Variants in DOCK8 observed in about 807,000 individuals in gnomAD.
The protein encoded by DOCK8 is dedicator of cytokinesis protein 8.
In DOCK8, 141 loss-of-function variants were observed where a neutral mutation model predicts 245.6. The observed-to-expected ratio is 0.57, with a 90% CI of 0.50 to 0.66. The LOEUF is 0.66. Ranked by LOEUF, DOCK8 falls within the 30% of genes least tolerant of loss-of-function variation. DOCK8 has a pLI of 0.00. For missense variants in DOCK8, 2,965 were observed against 2,603.4 expected (o/e 1.14, Z -3.02); for synonymous variants, 1,168 against 970.2 (o/e 1.20, Z -3.79).
At chr9:283,187 T>C (rs186369250) in intron 2 of DOCK8, among the ~76,000 whole-genome samples, 116 of 152,314 alleles carry the variant, frequency 7.6e-4, no homozygotes, top group African/African-American at 2.8e-3. Context: ...CCTAGCTGTG[T>C]AATCATGGGA....
Position 317,052 on chromosome 9 carries a change from G to A in DOCK8, c.751G>A (p.Val251Met). ...LYPSVDEEDA[V>M]EIRPVPECPK... ...ATGTGATTAAAAATAGGAGGATGCT[G>A]TGGAAATACGTCCAGTACCAGAATG... The change falls in exon 7 of 48, where the codon GTG becomes ATG. Residue 251 changes from valine (V) to methionine (M), a missense_variant. Around this residue, in one of 3 missense-constraint regions of DOCK8, gnomAD observed 2,825 missense variants for 2,453.5 expected, o/e 1.15. Coordinates refer to ENST00000432829, the MANE Select transcript of DOCK8 (RefSeq NM_203447.4). 1 of 1,613,192 alleles carries A rather than the reference G, an allele frequency of 6.2e-7. No homozygotes were observed.
At chr9:346,874 A>G (rs1375215810) in intron 14 of DOCK8, among the ~76,000 whole-genome samples, 3 of 148,580 alleles carry the variant, frequency 2.0e-5, no homozygotes, top group Non-Finnish European at 4.4e-5. Flanking sequence ...AAAGAAATGA[A>G]CCAGAAATAA....
At chr9:435,186 T>A (rs754352735) in intron 39 of DOCK8, among the ~76,000 whole-genome samples, 1 of 152,230 alleles carries the variant, frequency 6.6e-6, no homozygotes, top group Non-Finnish European at 1.5e-5. Flanking sequence ...AAGAATTGTC[T>A]GGCCCCAAAT....
At chr9:307,549 G>C (rs2049903522) in intron 5 of DOCK8, among the ~76,000 whole-genome samples, 1 of 151,682 alleles carries the variant, frequency 6.6e-6, no homozygotes, top group Non-Finnish European at 1.5e-5. Context: ...GTAGAGACAG[G>C]GTTTCTCCAT....
chr9:420,664 G>T, intron 31 of DOCK8, 81 bp downstream of exon 31: 4 of 1,539,406 alleles, frequency 2.6e-6, no homozygotes. Flanking sequence ...CCCTTTGTTT[G>T]GGCCATGGAG....
chr9:283,889 TATGAC>T (rs2048701272), intron 2 of DOCK8, among the ~76,000 whole-genome samples: 1 of 152,190 alleles, frequency 6.6e-6, no homozygotes. Context: ...TATATGTAAA[TATGAC>T]ATGATATGAA....
At position 345,477 on chromosome 9, in the gene DOCK8, A is replaced by G. The variant is rs909995685; in HGVS notation, c.1679+5156A>G. On this transcript the variant is annotated intron_variant, in intron 14 of 47. Coordinates refer to ENST00000432829, the MANE Select transcript of DOCK8 (RefSeq NM_203447.4). ...TGGAGGGAACTATTACCTGGTTCTA[A>G]TAGCAGATGTTTTCTGGCCTTGAGT... Among the ~76,000 whole-genome samples the G allele has an allele frequency of 3.2e-4, 49 of 152,184 alleles. 1 individual carries two copies. Among genetic ancestry groups the G allele is most frequent in the African/African-American group, 1.1e-3 (47 of 41,446 alleles).
At chr9:422,685 AG>A (rs2056323295) in intron 33 of DOCK8, among the ~76,000 whole-genome samples, 1 of 152,246 alleles carries the variant, frequency 6.6e-6, no homozygotes, top group Non-Finnish European at 1.5e-5. Context: ...GAACAAAGGC[AG>A]GGTAGACACT....
At chr9:372,145 G>A in intron 17 of DOCK8, 40 bp from the exon 18 acceptor site, 1 of 1,522,246 alleles carries the variant, frequency 6.6e-7, no homozygotes, top group Non-Finnish European at 9.1e-7. Context: ...ATTATATGCT[G>A]TAATAAATAC....
At chr9:315,714 T>G (rs562148298) in intron 6 of DOCK8, among the ~76,000 whole-genome samples, 9 of 152,254 alleles carry the variant, frequency 5.9e-5, no homozygotes, top group Non-Finnish European at 1.2e-4. Flanking sequence ...ATTGAACTTG[T>G]TGAAGCTAGA....
At chr9:256,668 C>T (rs1484705083) in intron 1 of DOCK8, among the ~76,000 whole-genome samples, 1 of 152,076 alleles carries the variant, frequency 6.6e-6, no homozygotes, top group Non-Finnish European at 1.5e-5. Context: ...TATAGAGGCA[C>T]CATATATTTT....
chr9:333,264 C>G (rs1402833251), intron 10 of DOCK8, among the ~76,000 whole-genome samples: 7 of 152,188 alleles, frequency 4.6e-5, no homozygotes, highest in Non-Finnish European at 2.9e-5. Context: ...AAAAGGATAT[C>G]TTTTCTCAAC....
intron 33 of DOCK8, 48 bp downstream of exon 33, chr9:422,183 T>A: frequency 2.0e-6 from 3 of 1,524,430 alleles, no homozygotes; most frequent in Non-Finnish European, 2.7e-6. Context: ...AGTCCAAAAC[T>A]ATTTTTCCCA....
At chr9:400,977 T>TCACCAC (rs1397127411) in intron 26 of DOCK8, among the ~76,000 whole-genome samples, 2 of 65,814 alleles carry the variant, frequency 3.0e-5, no homozygotes, top group East Asian at 4.4e-4. Flanking sequence ...TCCTCCACCA[T>TCACCAC]CACCACCTCC....
At chr9:415,051 C>T in intron 29 of DOCK8, 100 bp downstream of exon 29, 1 of 1,499,902 alleles carries the variant, frequency 6.7e-7, no homozygotes, top group Non-Finnish European at 9.2e-7. Context: ...CTGATATGTT[C>T]ATATGAGCAA....
At chr9:253,863 A>G (rs1046466815) in intron 1 of DOCK8, among the ~76,000 whole-genome samples, 1 of 152,232 alleles carries the variant, frequency 6.6e-6, no homozygotes, top group Non-Finnish European at 1.5e-5. Context: ...GTATAAAAGC[A>G]TGTGAAAACC....
At position 312,371 on chromosome 9, in the gene DOCK8, A is replaced by G. The variant is rs1215410524; in HGVS notation, c.741+205A>G. ...TTATCACACAGATGGGATTCTGATA[A>G]TAATAACAACTGGAATTTTCATAGC... On this transcript the variant is annotated intron_variant, in intron 6 of 47. Transcript: ENST00000432829. 8 of 700,568 alleles carry G rather than the reference A, an allele frequency of 1.1e-5. 1 individual carries two copies. Among genetic ancestry groups the G allele is most frequent in the Non-Finnish European group, 1.8e-5 (7 of 388,326 alleles). 43.4% of individuals were successfully genotyped at this position (700,568 alleles called of 1,614,324 possible).
At chr9:395,288 G>A (rs920306175) in intron 24 of DOCK8, among the ~76,000 whole-genome samples, 8 of 152,126 alleles carry the variant, frequency 5.3e-5, no homozygotes, top group Admixed American at 2.0e-4. Context: ...TGGCCATGGC[G>A]TTGTCTGAAA....
chr9:434,954 CGTGGGCA>C lies in DOCK8; in HGVS notation c.5062_5068del (p.Gly1688SerfsTer40). The C allele has an allele frequency of 6.2e-7, 1 of 1,613,016 alleles. No individual in the cohort carries two copies. The highest frequency in any genetic ancestry group is 8.5e-7 in the Non-Finnish European group (1 of 1,180,036). On this transcript the variant is annotated frameshift_variant, in exon 39 of 48. Coordinates refer to ENST00000432829, the MANE Select transcript of DOCK8 (RefSeq NM_203447.4). LOFTEE classifies it high-confidence loss of function. ...TGCTGGAGGACCACAGCTACCTGCC[CGTGGGCA>C]GTGTCAGCTTCCAGGTAGGGTGTGT...
Sources: gnomAD v4.1 joint callset for allele counts (sites outside exome capture counted in the v4.1 genomes callset) on GRCh38, gnomAD v4.1.1 for gene constraint, gnomAD v4.1.1 regional missense constraint, MANE v1.5 for transcripts, NCBI Gene and HGNC (gene_info 2026-07-23, HGNC 2026-07-21) for gene names.